The following MROH9 variants were observed in gnomAD, a reference collection of about 807,000 sequenced individuals.
The protein encoded by MROH9 is maestro heat-like repeat-containing protein family member 9.
A neutral mutation model predicts 98.2 loss-of-function variants in MROH9; 92 were observed. The observed-to-expected ratio is 0.94, with a 90% CI of 0.79 to 1.11. MROH9 has a LOEUF of 1.11. Ranked by LOEUF, MROH9 falls within the 50% of genes most tolerant of loss-of-function variation. The pLI is 0.00. For synonymous variants in MROH9, 397 were observed against 368.9 expected (o/e 1.08, Z -0.87); for missense variants, 1,057 against 1,014.8 (o/e 1.04, Z -0.57).
intron 20 of MROH9, among the ~76,000 whole-genome samples, chr1:171,037,802 G>A (rs546112029): frequency 6.7e-6 from 1 of 150,116 alleles, no homozygotes; most frequent in Admixed American, 6.6e-5. Context: ...ATTTTAGAAA[G>A]TGAATCATTG....
At position 170,992,307 on chromosome 1, in the gene MROH9, T is replaced by A; in HGVS notation, c.1172T>A (p.Ile391Asn). The change falls in exon 12 of 22, where the codon ATT becomes AAT. Residue 391 changes from isoleucine to asparagine, a missense_variant. Transcript: ENST00000367759. ...VTEGKRFSLDITNLMPLAACQ... is the reference protein window; with the variant it reads ...VTEGKRFSLDNTNLMPLAACQ... ...GAAGGGAAACGTTTCTCTCTTGATA[T>A]TACCAACTTGATGCCTTTGGCGGTA... is the stretch of plus-strand genomic sequence containing the variant. The A allele has an allele frequency of 1.2e-6, 2 of 1,613,222 alleles. No homozygotes were observed. The highest frequency in any genetic ancestry group is 1.7e-6 in the Non-Finnish European group (2 of 1,179,498).
chr1:171,053,950 C>A lies in MROH9; in HGVS notation c.2282-8182C>A, dbSNP rs559537478. On this transcript the variant is annotated intron_variant, in intron 20 of 21. Coordinates refer to ENST00000367759, the MANE Select transcript of MROH9 (RefSeq NM_001163629.2). ...GAAGAACTCCTGTAAGAGATGATGG[C>A]CAAGAATTTTCCAAAACTAAAATAA... Among the ~76,000 whole-genome samples the A allele has an allele frequency of 1.3e-4, 19 of 151,870 alleles. No homozygotes were observed. In the South Asian group the frequency reaches 1.5e-3, roughly 12 times the overall value.
At position 170,959,491 on chromosome 1, in the gene MROH9, C is replaced by A; in HGVS notation, c.182C>A (p.Ser61Tyr). 6.2e-7 allele frequency: 1 copy of A among 1,611,330 alleles called. No homozygotes were observed. Among genetic ancestry groups the A allele is most frequent in the Non-Finnish European group, 8.5e-7 (1 of 1,178,816 alleles). Residue 61 changes from serine to tyrosine, a missense_variant, in exon 5 of 22, where the codon TCT becomes TAT. Physicochemically the swap from Ser to Tyr is moderately radical, Grantham distance 144. Transcript: ENST00000367759. Reference protein sequence around the residue: ...SFVDPLLQFESQLKIIESSFG... With the variant: ...SFVDPLLQFEYQLKIIESSFG... ...GTGGATCCCTTACTGCAGTTTGAAT[C>A]TCAGTTGAAGATAATAGAGTCATCC... is the stretch of plus-strand genomic sequence containing the variant.
At chr1:170,963,171 C>T (rs1205226361) in intron 6 of MROH9, among the ~76,000 whole-genome samples, 2 of 150,832 alleles carry the variant, frequency 1.3e-5, no homozygotes, top group African/African-American at 4.9e-5. Context: ...GGGCAAAGGA[C>T]ATGAACAGAC....
chr1:170,997,386 T>G (rs959024272), intron 14 of MROH9, among the ~76,000 whole-genome samples: 3 of 152,140 alleles, frequency 2.0e-5, no homozygotes, highest in African/African-American at 7.2e-5. Flanking sequence ...GAAGTAACTT[T>G]GGATATTCTT....
intron 20 of MROH9, among the ~76,000 whole-genome samples, chr1:171,030,130 T>C (rs1652857222): frequency 6.6e-6 from 1 of 152,196 alleles, no homozygotes; most frequent in Non-Finnish European, 1.5e-5. Flanking sequence ...TTCTGTGGGG[T>C]CAGCAGTGAT....
At chr1:171,053,258 G>C (rs1026710494) in intron 20 of MROH9, among the ~76,000 whole-genome samples, 1 of 152,174 alleles carries the variant, frequency 6.6e-6, no homozygotes, top group Non-Finnish European at 1.5e-5. Flanking sequence ...ATCACTGCCA[G>C]ATCACCAAAC....
intron 20 of MROH9, among the ~76,000 whole-genome samples, chr1:171,038,757 A>G (rs1653192156): frequency 6.6e-6 from 1 of 152,214 alleles, no homozygotes; most frequent in Admixed American, 6.5e-5. Context: ...TCTTACAGTC[A>G]TAATGACCAG....
chr1:170,950,880 C>T (rs1557870351), intron 3 of MROH9, among the ~76,000 whole-genome samples: 1 of 152,034 alleles, frequency 6.6e-6, no homozygotes, highest in Admixed American at 6.6e-5. Flanking sequence ...ATGTCCCTCA[C>T]CCTTAAATCC....
At chr1:170,946,718 TA>T (rs2101871887) in intron 2 of MROH9, among the ~76,000 whole-genome samples, 1 of 152,088 alleles carries the variant, frequency 6.6e-6, no homozygotes, top group Admixed American at 6.6e-5. Flanking sequence ...ATATACCGAT[TA>T]AAATAGAAGA....
intron 17 of MROH9, among the ~76,000 whole-genome samples, chr1:171,022,385 G>C (rs981191932): frequency 6.6e-6 from 1 of 152,060 alleles, no homozygotes; most frequent in African/African-American, 2.4e-5. Flanking sequence ...AAGAAAATGT[G>C]GTATATATAC....
At chr1:170,969,346 T>A (rs910468077) in intron 7 of MROH9, among the ~76,000 whole-genome samples, 11 of 152,236 alleles carry the variant, frequency 7.2e-5, no homozygotes, top group Non-Finnish European at 1.5e-4. Flanking sequence ...TTTGTATGAT[T>A]CTACTTATGT....
intron 20 of MROH9, among the ~76,000 whole-genome samples, chr1:171,057,899 T>G (rs80310698): frequency 0.067 from 10,242 of 152,036 alleles, 1,164 homozygotes; most frequent in African/African-American, 0.23. Flanking sequence ...ATAAAATCAT[T>G]TCCACACAAG....
intron 20 of MROH9, among the ~76,000 whole-genome samples, chr1:171,029,603 TTTGCATATG>T (rs1652839473): frequency 6.6e-6 from 1 of 152,226 alleles, no homozygotes; most frequent in South Asian, 2.1e-4. Context: ...TGTTTATTGA[TTTGCATATG>T]TTGAATCAGC....
At chr1:171,003,074 C>T (rs759405503) in intron 15 of MROH9, among the ~76,000 whole-genome samples, 48 of 152,040 alleles carry the variant, frequency 3.2e-4, no homozygotes, top group Non-Finnish European at 5.4e-4. Context: ...CATTTGTCTC[C>T]AAAATTTCCT....
chr1:171,062,124 G>A lies in MROH9; in HGVS notation c.2282-8G>A. The A allele has an allele frequency of 3.3e-6, 5 of 1,528,240 alleles. No homozygotes were observed. The highest frequency in any genetic ancestry group is 4.4e-6 in the Non-Finnish European group (5 of 1,126,578). 94.7% of individuals were successfully genotyped at this position (1,528,240 alleles called of 1,614,324 possible). On this transcript the variant is annotated splice_polypyrimidine_tract_variant and splice_region_variant and intron_variant, in intron 20 of 21. Transcript: ENST00000367759. ...TTGCAGTAACTTTAATTTTTATTATGTGCATAGGATATTTGGCAAAATCAG... is the reference window on the plus strand; with the variant it reads ...TTGCAGTAACTTTAATTTTTATTATATGCATAGGATATTTGGCAAAATCAG...
chr1:171,008,736 C>T (rs912891576), intron 15 of MROH9, among the ~76,000 whole-genome samples: 1 of 152,122 alleles, frequency 6.6e-6, no homozygotes, highest in African/African-American at 2.4e-5. Flanking sequence ...CAGTGCATTC[C>T]AGCTTGGGCA....
At chr1:171,026,263 T>C (rs75804706) in intron 20 of MROH9, among the ~76,000 whole-genome samples, 2,512 of 149,346 alleles carry the variant, frequency 0.017, 27 homozygotes, top group Non-Finnish European at 0.027. Flanking sequence ...ATCATAACTT[T>C]CTGTCATTTT....
At chr1:170,998,353 G>T (rs200484356) in intron 15 of MROH9, 79 bp downstream of exon 15, 3 of 1,611,858 alleles carry the variant, frequency 1.9e-6, no homozygotes, top group South Asian at 1.1e-5. Context: ...CCAGTTTCTC[G>T]TATCTCTCCC....
Sources: allele counts gnomAD v4.1 joint callset (sites outside exome capture counted in the v4.1 genomes callset), GRCh38; gene constraint gnomAD v4.1.1; transcripts MANE v1.5; gene names NCBI Gene and HGNC (gene_info 2026-07-23, HGNC 2026-07-21).